The following ITGA7 variants were observed in gnomAD, a reference collection of about 807,000 sequenced individuals.
ITGA7 encodes integrin alpha-7.
In ITGA7, 84 loss-of-function variants were observed where a neutral mutation model predicts 131.6. The observed-to-expected ratio is 0.64, with a 90% CI of 0.54 to 0.77. The LOEUF (loss-of-function observed/expected upper bound fraction) is 0.77. Among genes scored for constraint, ITGA7 ranks in the 30% least tolerant of loss-of-function variants. The probability of loss-of-function intolerance (pLI) is 0.00; values close to 1 mark genes in which losing one functional copy is unlikely to be tolerated. For missense variants in ITGA7, 1,399 were observed against 1,482.9 expected, an observed-to-expected ratio of 0.94 and a Z score of 0.93; for synonymous variants, 548 against 600.7, an observed-to-expected ratio of 0.91 and a Z score of 1.28.
At chr12:55,701,543 C>T (rs924901467) in intron 3 of ITGA7, 2 of 844,538 alleles carry the variant, frequency 2.4e-6, no homozygotes, top group Non-Finnish European at 3.9e-6. Context: ...ACCATCTCAT[C>T]TGCAAAGAAC....
Position 55,693,324 on chromosome 12 carries a change from G to A in ITGA7, c.2536-7C>T. 1.2e-6 allele frequency: 2 copies of A among 1,611,372 alleles called. No homozygotes were observed. Among genetic ancestry groups the A allele is most frequent in the Non-Finnish European group, 1.7e-6 (2 of 1,178,118 alleles). On this transcript the variant is annotated splice_polypyrimidine_tract_variant and splice_region_variant and intron_variant, in intron 19 of 24. Transcript: ENST00000257879. ...ACTGGCCTTGGTTGGAAACCTGTGG[G>A]AAAAAGAGAGTATGAGGGGAGAGAC...
At position 55,694,466 on chromosome 12, in the gene ITGA7, C is replaced by T; in HGVS notation, c.2334G>A (p.Leu778=). 1.2e-6 allele frequency: 2 copies of T among 1,614,232 alleles called. No individual in the cohort carries two copies. Among genetic ancestry groups the T allele is most frequent in the Non-Finnish European group, 1.7e-6 (2 of 1,180,032 alleles). The change falls in exon 17 of 25, where the codon CTG becomes CTA. Residue 778 remains leucine, a synonymous_variant. Transcript: ENST00000257879. This position sits in a 1 kb window ranked among gnomAD's most constrained non-coding sequence, Gnocchi z 5.3. ...TSGISIETTE[L]EVELLLATIS... ...ACGTGGCCAACAGCAGCTCTACCTC[C>T]AGTTCCGTGGTCTCAATGCTGATCC...
chr12:55,712,229 A>G (rs372112400), upstream of ITGA7: 471 of 1,551,354 alleles, frequency 3.0e-4, no homozygotes, highest in Non-Finnish European at 4.0e-4. Flanking sequence ...AACCCTTAAC[A>G]CTTGAGAAGG....
In ITGA7 at chr12:55,694,499, G is replaced by A; in HGVS notation, c.2301C>T (p.Ser767=). 1 of 1,614,204 alleles carries A rather than the reference G, an allele frequency of 6.2e-7. No homozygotes were observed. The highest frequency in any genetic ancestry group is 8.5e-7 in the Non-Finnish European group (1 of 1,180,022). Residue 767 remains serine (S), a synonymous_variant, in exon 17 of 25, where the codon AGC becomes AGT. Transcript: ENST00000257879. This position sits in a 1 kb window ranked among gnomAD's most constrained non-coding sequence, Gnocchi z 5.3. ...GAQVTFYLIL[S]TSGISIETTE... is the part of the protein sequence containing the mutation. Reference sequence around the variant, plus strand: ...TGGTCTCAATGCTGATCCCGGAGGTGCTAAGGATGAGGTAGAAGGTGACCT... The same window carrying A: ...TGGTCTCAATGCTGATCCCGGAGGTACTAAGGATGAGGTAGAAGGTGACCT...
At position 55,688,969 on chromosome 12, in the gene ITGA7, G is replaced by T. The variant is rs757614360; in HGVS notation, c.2845-12C>A. The T allele has an allele frequency of 3.7e-6, 6 of 1,607,408 alleles. No homozygotes were observed. In the South Asian group the frequency reaches 6.6e-5, roughly 18 times the overall value. ...CCCCGGGCGCAGTCCTAGGGATAAG[G>T]ACAGACAGGGGTCTAAGCCACTCAG... On this transcript the variant is annotated splice_polypyrimidine_tract_variant and intron_variant, in intron 21 of 24. Transcript: ENST00000257879.
chr12:55,714,390 C>T (rs1876351605), upstream of ITGA7, among the ~76,000 whole-genome samples: 2 of 150,418 alleles, frequency 1.3e-5, no homozygotes, highest in African/African-American at 4.9e-5. Context: ...TAGTGGCGGG[C>T]GCCTGTAGTC....
chr12:55,716,012 G>C (rs778881213), upstream of ITGA7: 9 of 1,519,394 alleles, frequency 5.9e-6, no homozygotes, highest in African/African-American at 1.4e-5. Flanking sequence ...GGTCTCAAGA[G>C]GGCGGTTCCC....
rs144699549 is a variant in ITGA7 at position 55,698,924 on chromosome 12, G to A, written c.791-7C>T. ...CCCGAGTCAATAGAGAAGCCTGGGG[G>A]AAGGGTGACTTACCCCTAAGTCTTC... On this transcript the variant is annotated splice_region_variant and splice_polypyrimidine_tract_variant and intron_variant, in intron 5 of 24. Transcript: ENST00000257879. The A allele has an allele frequency of 7.6e-4, 1,224 of 1,603,618 alleles. 12 individuals are homozygous for A. In the Admixed American group the frequency reaches 0.01, roughly 13 times the overall value.
At chr12:55,693,449 C>A in intron 19 of ITGA7, 132 bp from the exon 20 acceptor site, 1 of 811,600 alleles carries the variant, frequency 1.2e-6, no homozygotes, top group South Asian at 1.6e-5. Context: ...ATCCTGCCAC[C>A]TTGGCCTCCT....
At chr12:55,701,253 G>A in intron 3 of ITGA7, 99 bp from the exon 4 acceptor site, 1 of 1,591,052 alleles carries the variant, frequency 6.3e-7, no homozygotes, top group Non-Finnish European at 8.6e-7. Context: ...ACTGATACAT[G>A]TGTGCTCACA....
upstream of ITGA7, among the ~76,000 whole-genome samples, chr12:55,713,215 G>A (rs552344838): frequency 1.3e-5 from 2 of 152,148 alleles, no homozygotes; most frequent in African/African-American, 2.4e-5. Context: ...CAGAGAGTGG[G>A]GAGGACAGAG....
rs1875458381 is a variant in ITGA7, at chr12:55,707,478, A to C, written c.205T>G (p.Trp69Gly). 1.4e-5 allele frequency: 23 copies of C among 1,612,664 alleles called. No homozygotes were observed. The highest frequency in any genetic ancestry group is 2.0e-5 in the Non-Finnish European group (23 of 1,179,134). ...CTCTGGGCGGGTGCGGTGACTCACC[A>C]GCTCTGGGGTCGGGGCTGCAACTGC... The part of the protein sequence containing the change: ...HRQLQPRPQS[W>G]LLVGAPQALA... Residue 69 changes from tryptophan (W) to glycine (G), a missense_variant and splice_region_variant, in exon 1 of 25, where the codon TGG (tryptophan) becomes GGG (glycine). Physicochemically the swap from Trp to Gly is radical, Grantham distance 184. Transcript: ENST00000257879.
intron 21 of ITGA7, among the ~76,000 whole-genome samples, 155 bp downstream of exon 21, chr12:55,692,689 G>A (rs1871700039): frequency 6.6e-6 from 1 of 152,202 alleles, no homozygotes; most frequent in Admixed American, 6.5e-5. Flanking sequence ...GGGGTCTGCA[G>A]TGTCAGTAGC....
upstream of ITGA7, among the ~76,000 whole-genome samples, chr12:55,708,762 T>C (rs1875736684): frequency 6.6e-6 from 1 of 152,062 alleles, no homozygotes; most frequent in Non-Finnish European, 1.5e-5. Flanking sequence ...ACCAGACCCG[T>C]CCCAGGACTG....
upstream of ITGA7, among the ~76,000 whole-genome samples, chr12:55,715,756 G>A (rs955693121): frequency 3.3e-5 from 5 of 152,170 alleles, no homozygotes; most frequent in African/African-American, 1.2e-4. Context: ...GGTGAGGAGA[G>A]GGAAGGAGAA....
At chr12:55,714,991 G>A (rs1876413323), upstream of ITGA7, among the ~76,000 whole-genome samples, 1 of 151,298 alleles carries the variant, frequency 6.6e-6, no homozygotes, top group Non-Finnish European at 1.5e-5. Context: ...CTCCTGAGTA[G>A]CTGGGATTAC....
Position 55,698,033 on chromosome 12 carries a change from G to C in ITGA7, c.1193-7C>G. ...GGGGCACCCACTGCAATATCTGCAG[G>C]GCACAGGGAAAAGGCAGTCACGCTG... On this transcript the variant is annotated splice_region_variant and splice_polypyrimidine_tract_variant and intron_variant, in intron 7 of 24. Coordinates refer to ENST00000257879, the MANE Select transcript of ITGA7 (RefSeq NM_002206.3). The C allele has an allele frequency of 1.9e-6, 3 of 1,613,562 alleles. No individual in the cohort carries two copies. Among genetic ancestry groups the C allele is most frequent in the Non-Finnish European group, 1.7e-6 (2 of 1,179,680 alleles).
intron 3 of ITGA7, among the ~76,000 whole-genome samples, chr12:55,702,567 G>A (rs904544666): frequency 1.3e-5 from 2 of 152,016 alleles, no homozygotes; most frequent in African/African-American, 2.4e-5. Context: ...CACCTGCCTC[G>A]GCCTCCGAAA....
upstream of ITGA7, among the ~76,000 whole-genome samples, chr12:55,709,764 C>T (rs780020779): frequency 1.3e-5 from 2 of 151,428 alleles, no homozygotes; most frequent in Non-Finnish European, 2.9e-5. Flanking sequence ...TGTCTCCATT[C>T]CCACTCCACT....
Sources: allele counts gnomAD v4.1 joint callset (sites outside exome capture counted in the v4.1 genomes callset), GRCh38; gene constraint gnomAD v4.1.1; non-coding constraint Gnocchi (gnomAD v3.1); transcripts MANE v1.5; gene names NCBI Gene and HGNC (gene_info 2026-07-23, HGNC 2026-07-21).